The following GRHL2 variants were observed in gnomAD, a reference collection of about 807,000 sequenced individuals.
GRHL2 encodes the protein grainyhead like transcription factor 2, also known as grainyhead-like protein 2 homolog.
GRHL2 carries 21 observed loss-of-function variants against 83.8 expected under a neutral mutation model. That is an observed-to-expected ratio of 0.25 (90% CI 0.18 to 0.36). The LOEUF (loss-of-function observed/expected upper bound fraction) is 0.36. Ranked by LOEUF, GRHL2 falls within the 10% of genes least tolerant of loss-of-function variation. GRHL2 has a pLI of 1.00. For missense variants in GRHL2, 623 were observed against 781.8 expected (o/e 0.80, Z 2.42); for synonymous variants, 280 against 278.9 (o/e 1.00, Z -0.04).
chr8:101,620,916 A>C (rs189390690), intron 9 of GRHL2, among the ~76,000 whole-genome samples: 1 of 152,172 alleles, frequency 6.6e-6, no homozygotes, highest in African/African-American at 2.4e-5. Context: ...TCTAAGACAA[A>C]ATCCTGCTTT....
At chr8:101,531,282 C>G (rs1291523124) in intron 1 of GRHL2, among the ~76,000 whole-genome samples, 1 of 151,250 alleles carries the variant, frequency 6.6e-6, no homozygotes, top group Non-Finnish European at 1.5e-5. Context: ...CTAATGCTGA[C>G]TGCTACCTGA....
At chr8:101,515,364 C>A (rs990104252) in intron 1 of GRHL2, among the ~76,000 whole-genome samples, 1 of 152,148 alleles carries the variant, frequency 6.6e-6, no homozygotes, top group African/African-American at 2.4e-5. Context: ...TTCCCAGAGT[C>A]CTGTCTCATT....
chr8:101,509,223 G>A (rs1346651119), intron 1 of GRHL2, among the ~76,000 whole-genome samples: 1 of 66,706 alleles, frequency 1.5e-5, no homozygotes, highest in African/African-American at 4.0e-5. Flanking sequence ...GTGTGTGTGT[G>A]TGTGTGTGTG....
intron 9 of GRHL2, among the ~76,000 whole-genome samples, chr8:101,621,427 T>C (rs1220491647): frequency 6.6e-6 from 1 of 152,058 alleles, no homozygotes; most frequent in Non-Finnish European, 1.5e-5. Context: ...ACTCAAGGAA[T>C]TTAGAAATAA....
At chr8:101,677,215 T>A in the GRHL2 span, among the ~76,000 whole-genome samples, 9 of 151,158 alleles carry the variant, frequency 6.0e-5, no homozygotes, top group African/African-American at 2.2e-4. Context: ...ATAATAACAA[T>A]AATAATAATA....
intron 1 of GRHL2, among the ~76,000 whole-genome samples, chr8:101,500,809 C>A (rs1457290770): frequency 6.6e-6 from 1 of 151,662 alleles, no homozygotes; most frequent in African/African-American, 2.4e-5. Flanking sequence ...CCACGCCCGA[C>A]CGAAAGTGTG....
intron 7 of GRHL2, among the ~76,000 whole-genome samples, chr8:101,583,548 G>T (rs1040781036): frequency 6.6e-6 from 1 of 152,086 alleles, no homozygotes; most frequent in Admixed American, 6.5e-5. Flanking sequence ...TTCAGCCAGG[G>T]GCATGTTGAT....
At chr8:101,616,214 A>G (rs865827396) in intron 8 of GRHL2, among the ~76,000 whole-genome samples, 3 of 148,138 alleles carry the variant, frequency 2.0e-5, no homozygotes, top group Middle Eastern at 3.4e-3. Flanking sequence ...CTTGTTGCCC[A>G]GGCTGGAGTG....
In GRHL2 at chr8:101,667,015, C is replaced by T; in HGVS notation, c.*312C>T. 6.2e-6 allele frequency: 3 copies of T among 482,408 alleles called. No individual in the cohort carries two copies. In the South Asian group the frequency reaches 6.6e-5, roughly 11 times the overall value. The allele number at this position is 482,408 out of a possible 1,614,324, so 29.9% of individuals were successfully genotyped here. ...CCAGGACTCTGCAGGTCACTGCTAG[C>T]TCCAGATGAGACCGTCCAGCGTTCC... On this transcript the variant is annotated 3_prime_UTR_variant, in exon 16 of 16. Coordinates refer to ENST00000646743, the MANE Select transcript of GRHL2 (RefSeq NM_024915.4).
intron 1 of GRHL2, among the ~76,000 whole-genome samples, chr8:101,533,917 G>C (rs1331596476): frequency 6.6e-6 from 1 of 152,148 alleles, no homozygotes; most frequent in Non-Finnish European, 1.5e-5. Flanking sequence ...ATGATCCTGG[G>C]GGACCTGGTA....
Position 101,652,613 on chromosome 8 carries a change from G to GTGATT in GRHL2, c.1698+3114_1698+3115insTGATT, listed in dbSNP as rs569391544. ...CTGTGTGTGTGTGGTGTGTGTGTGTGGTGTGTGTGTGTGTGTACTATACAG... is the reference window on the plus strand; with the variant it reads ...CTGTGTGTGTGTGGTGTGTGTGTGTGTGATTGTGTGTGTGTGTGTGTACTATACAG... On this transcript the variant is annotated intron_variant, in intron 14 of 15. Transcript: ENST00000646743. Among the ~76,000 whole-genome samples the GTGATT allele has an allele frequency of 2.2e-4, 27 of 123,784 alleles. 1 individual carries two copies. The highest frequency in any genetic ancestry group is 4.9e-4 in the Admixed American group (6 of 12,184). 81.2% of individuals were successfully genotyped at this position (123,784 alleles called of 152,430 possible). A position where few individuals can be genotyped will look rare whatever the true frequency, so the allele number is the denominator to read the frequency against.
chr8:101,549,640 C>A (rs76256160), intron 2 of GRHL2, among the ~76,000 whole-genome samples: 37 of 152,296 alleles, frequency 2.4e-4, no homozygotes, highest in East Asian at 9.6e-4. Context: ...AGAAGTAAAT[C>A]ATCTGTCCCT....
intron 8 of GRHL2, among the ~76,000 whole-genome samples, chr8:101,610,239 C>A (rs928736317): frequency 2.0e-5 from 3 of 151,112 alleles, no homozygotes; most frequent in African/African-American, 7.4e-5. Context: ...GTTTTCAAAT[C>A]AATTCTCCTT....
intron 1 of GRHL2, among the ~76,000 whole-genome samples, chr8:101,509,789 T>C (rs141806680): frequency 1.5e-3 from 225 of 152,286 alleles, no homozygotes; most frequent in African/African-American, 4.9e-3. Flanking sequence ...TTAGATTATC[T>C]AGGATTTCAT....
intron 7 of GRHL2, among the ~76,000 whole-genome samples, chr8:101,589,604 G>A (rs1812235249): frequency 6.6e-6 from 1 of 152,182 alleles, no homozygotes; most frequent in South Asian, 2.1e-4. Context: ...CTGTAACATT[G>A]TCTATATAAT....
intron 8 of GRHL2, among the ~76,000 whole-genome samples, chr8:101,604,362 G>A (rs1421711532): frequency 6.6e-6 from 1 of 152,144 alleles, no homozygotes; most frequent in Admixed American, 6.5e-5. Context: ...CCAGAGCAGA[G>A]TGCAGCAAAC....
At chr8:101,608,745 A>T (rs753082727) in intron 8 of GRHL2, among the ~76,000 whole-genome samples, 25,387 of 92,732 alleles carry the variant, frequency 0.27, 3,135 homozygotes, top group African/African-American at 0.41. Flanking sequence ...TCACACACAC[A>T]CACACACACA....
At chr8:101,642,255 G>T (rs1341088740) in intron 12 of GRHL2, among the ~76,000 whole-genome samples, 1 of 152,170 alleles carries the variant, frequency 6.6e-6, no homozygotes, top group South Asian at 2.1e-4. Context: ...GTGTGAAAAA[G>T]TATTTTTGAA....
intron 8 of GRHL2, among the ~76,000 whole-genome samples, chr8:101,612,558 T>C (rs1812775333): frequency 6.6e-6 from 1 of 150,610 alleles, no homozygotes; most frequent in South Asian, 2.1e-4. Flanking sequence ...CATACATAGA[T>C]ATTGATGAAG....
Sources: allele counts gnomAD v4.1 joint callset (sites outside exome capture counted in the v4.1 genomes callset), GRCh38; gene constraint gnomAD v4.1.1; transcripts MANE v1.5; gene names NCBI Gene and HGNC (gene_info 2026-07-23, HGNC 2026-07-21).